Variants in GARRE1 observed in about 807,000 individuals in gnomAD.
GARRE1 encodes the protein granule associated Rac and RHOG effector 1.
GARRE1 carries 49 observed loss-of-function variants against 103.2 expected under a neutral mutation model. That is an observed-to-expected ratio of 0.47 (90% confidence interval 0.38 to 0.60). The LOEUF is 0.60. Ranked by LOEUF, GARRE1 falls within the 20% of genes least tolerant of loss-of-function variation. GARRE1 has a pLI of 0.00. For synonymous variants in GARRE1, 505 were observed against 532.8 expected (o/e 0.95, Z 0.72); for missense variants, 1,199 against 1,370.5 (o/e 0.87, Z 1.98).
In GARRE1 at chr19:34,353,320, C is replaced by A; in HGVS notation, c.*365C>A. ...GTCCTGCTGTGTGTTGGGAAGACAT[C>A]AGGCCTGAAAGCTGAGGGCATAACT... On this transcript the variant is annotated 3_prime_UTR_variant, in exon 14 of 14. Transcript: ENST00000299505. The A allele has an allele frequency of 3.5e-6, 1 of 282,986 alleles. No homozygotes were observed. Among genetic ancestry groups the A allele is most frequent in the Non-Finnish European group, 6.6e-6 (1 of 150,432 alleles). 17.5% of individuals were successfully genotyped at this position (282,986 alleles called of 1,614,324 possible). A position where few individuals can be genotyped will look rare whatever the true frequency, so the allele number is the denominator to read the frequency against.
Position 34,330,173 on chromosome 19 carries a change from T to C in GARRE1, c.1105-16T>C, listed in dbSNP as rs2074130808. On this transcript the variant is annotated splice_polypyrimidine_tract_variant and intron_variant, in intron 6 of 13. Coordinates refer to ENST00000299505, the MANE Select transcript of GARRE1 (RefSeq NM_014686.5). The stretch of plus-strand genomic sequence containing the variant: ...CTTTGTCTTGAGGTGTGAACTCTCT[T>C]CTTATCAATCTATAGCATACAATGT... The C allele has an allele frequency of 1.2e-6, 2 of 1,611,078 alleles. No individual in the cohort carries two copies. The highest frequency in any genetic ancestry group is 1.3e-5 in the African/African-American group (1 of 75,042).
At chr19:34,265,246 G>T (rs1416406492) in intron 1 of GARRE1, among the ~76,000 whole-genome samples, 2 of 152,162 alleles carry the variant, frequency 1.3e-5, no homozygotes, top group African/African-American at 4.8e-5. Context: ...ATATGTTCAT[G>T]GGAACAGAGT....
rs149791226 is a variant in GARRE1, at chr19:34,349,040, G to A, written c.2712G>A (p.Ser904=). ...TEGDGLHGGW[S]GAQGDSASSS... ...GGGATGGCCTGCACGGTGGCTGGTC[G>A]GGTGCTCAGGGAGACTCTGCCAGCT... Residue 904 remains serine (S), a synonymous_variant, in exon 12 of 14, where the codon TCG becomes TCA. Transcript: ENST00000299505. The A allele has an allele frequency of 1.7e-4, 278 of 1,611,922 alleles. No homozygotes were observed. In the African/African-American group the frequency reaches 2.7e-3, roughly 16 times the overall value.
intron 1 of GARRE1, among the ~76,000 whole-genome samples, chr19:34,275,993 T>TA (rs2073815042): frequency 6.6e-6 from 1 of 152,226 alleles, no homozygotes; most frequent in African/African-American, 2.4e-5. Context: ...TGTCTTTTCA[T>TA]ATGCTTATTG....
rs151129872 is a variant in GARRE1 at position 34,309,651 on chromosome 19, G to A, written c.495+8683G>A. Among the ~76,000 whole-genome samples the A allele has an allele frequency of 2.7e-3, 409 of 152,268 alleles. 2 individuals are homozygous for A. Among genetic ancestry groups the A allele is most frequent in the African/African-American group, 9.5e-3 (396 of 41,558 alleles). ...CACTGTGCCTGGCCATAGGATTGAA[G>A]TGTTTTGATGGGTACATGGGGGCTT... is the stretch of plus-strand genomic sequence containing the variant. On this transcript the variant is annotated intron_variant, in intron 2 of 13. Coordinates refer to ENST00000299505, the MANE Select transcript of GARRE1 (RefSeq NM_014686.5).
intron 1 of GARRE1, among the ~76,000 whole-genome samples, chr19:34,293,838 A>C (rs1015540064): frequency 7.3e-6 from 1 of 137,648 alleles, no homozygotes; most frequent in Non-Finnish European, 1.5e-5. Context: ...AGCTCACTGC[A>C]ACCTCCGCCT....
chr19:34,291,923 C>G (rs1289521837), intron 1 of GARRE1, among the ~76,000 whole-genome samples: 1 of 151,738 alleles, frequency 6.6e-6, no homozygotes, highest in Non-Finnish European at 1.5e-5. Flanking sequence ...ACAGTGGCAC[C>G]ATCTTGGCTC....
At chr19:34,288,682 G>A (rs2073900520) in intron 1 of GARRE1, among the ~76,000 whole-genome samples, 1 of 152,246 alleles carries the variant, frequency 6.6e-6, no homozygotes, top group African/African-American at 2.4e-5. Context: ...TTGAAGGGAG[G>A]TGATGTGTGT....
chr19:34,321,777 A>T (rs964940547), intron 3 of GARRE1, among the ~76,000 whole-genome samples: 1 of 152,154 alleles, frequency 6.6e-6, no homozygotes, highest in Non-Finnish European at 1.5e-5. Context: ...CACTGGGCCA[A>T]CATGAAGTCT....
intron 1 of GARRE1, among the ~76,000 whole-genome samples, chr19:34,270,901 G>A (rs141004651): frequency 1.2e-3 from 184 of 152,252 alleles, no homozygotes; most frequent in Middle Eastern, 3.4e-3. Context: ...ATTATGGGAT[G>A]TTCAGCAGCA....
At chr19:34,287,826 T>C (rs2073895924) in intron 1 of GARRE1, among the ~76,000 whole-genome samples, 1 of 152,210 alleles carries the variant, frequency 6.6e-6, no homozygotes. Flanking sequence ...ATCTCATTTA[T>C]GATGGCTGCA....
At chr19:34,309,182 A>C (rs1599766926) in intron 2 of GARRE1, among the ~76,000 whole-genome samples, 1 of 152,232 alleles carries the variant, frequency 6.6e-6, no homozygotes, top group East Asian at 1.9e-4. Context: ...TACCACGAGA[A>C]GGCAACCAGA....
intron 1 of GARRE1, among the ~76,000 whole-genome samples, chr19:34,296,862 T>G (rs2073950437): frequency 6.6e-6 from 1 of 152,128 alleles, no homozygotes; most frequent in African/African-American, 2.4e-5. Context: ...CAGGCTGCTC[T>G]TAGACTCCTG....
chr19:34,285,146 T>G (rs1163049007), intron 1 of GARRE1: 1 of 152,158 alleles, frequency 6.6e-6, no homozygotes, highest in East Asian at 1.9e-4. Context: ...ACATTTTGTT[T>G]CAGAAATGTT....
At chr19:34,299,564 A>G (rs982355988) in intron 1 of GARRE1, 115 bp from the exon 2 acceptor site, 1 of 152,372 alleles carries the variant, frequency 6.6e-6, no homozygotes, top group African/African-American at 2.4e-5. Context: ...CTCTAAGGTT[A>G]TAATATGATT....
chr19:34,304,622 C>T (rs889341352), intron 2 of GARRE1, among the ~76,000 whole-genome samples: 1 of 151,972 alleles, frequency 6.6e-6, no homozygotes, highest in African/African-American at 2.4e-5. Context: ...AAGTGATCCA[C>T]CTACCTCGGC....
Position 34,347,970 on chromosome 19 carries a change from A to T in GARRE1, c.2615A>T (p.Asn872Ile), listed in dbSNP as rs1395430795. The change falls in exon 11 of 14, where the codon AAC (asparagine) becomes ATC (isoleucine). Residue 872 changes from asparagine to isoleucine, a missense_variant. Transcript: ENST00000299505. Reference protein sequence around the residue: ...RQAQHGRRPGNPRGNWPPMDD... With the variant: ...RQAQHGRRPGIPRGNWPPMDD... ...GCCCAGCACGGTCGCCGGCCAGGCA[A>T]CCCCCGGGGCAACTGGCCGCCTATG... The T allele has an allele frequency of 6.3e-7, 1 of 1,583,686 alleles. No individual in the cohort carries two copies. The highest frequency in any genetic ancestry group is 1.8e-5 in the Admixed American group (1 of 56,580).
At chr19:34,333,586 C>A in intron 7 of GARRE1, 118 bp from the exon 8 acceptor site, 1 of 658,398 alleles carries the variant, frequency 1.5e-6, no homozygotes, top group East Asian at 2.7e-5. Context: ...CTTGGCATAA[C>A]TAGGCTGCTA....
chr19:34,266,687 C>T (rs1172389239), intron 1 of GARRE1, among the ~76,000 whole-genome samples: 1 of 152,022 alleles, frequency 6.6e-6, no homozygotes, highest in Non-Finnish European at 1.5e-5. Context: ...GCTGGGTATG[C>T]AAAATTGGAG....
Sources: gnomAD v4.1 joint callset for allele counts (sites outside exome capture counted in the v4.1 genomes callset) on GRCh38, gnomAD v4.1.1 for gene constraint, MANE v1.5 for transcripts, NCBI Gene and HGNC (gene_info 2026-07-23, HGNC 2026-07-21) for gene names.